Variants in CTNNA2 observed in about 807,000 individuals in gnomAD.
CTNNA2 encodes catenin alpha 2, also known as catenin alpha-2.
CTNNA2 carries 42 observed loss-of-function variants against 101.0 expected under a neutral mutation model. The ratio of observed to expected loss-of-function variants is 0.42; its 90% CI spans 0.32 to 0.54. CTNNA2 has a LOEUF of 0.54. Among genes scored for constraint, CTNNA2 ranks in the 20% least tolerant of loss-of-function variants. The pLI, the probability that CTNNA2 is intolerant of heterozygous loss-of-function variation, is 0.14. For missense variants in CTNNA2, 871 were observed against 1,223.1 expected (o/e 0.71, Z 4.29); for synonymous variants, 450 against 456.4 (o/e 0.99, Z 0.18).
chr2:79,245,189 G>A (rs1429698383), intron 2 of CTNNA2, among the ~76,000 whole-genome samples: 2 of 151,494 alleles, frequency 1.3e-5, no homozygotes, highest in African/African-American at 2.4e-5. Context: ...AGTGGCTCAC[G>A]CCTATAATCT....
chr2:80,077,701 AT>A (rs1698853522), intron 7 of CTNNA2, among the ~76,000 whole-genome samples: 1 of 152,172 alleles, frequency 6.6e-6, no homozygotes, highest in Non-Finnish European at 1.5e-5. Flanking sequence ...TCAAAAGAAT[AT>A]ATACTGTATT....
intron 7 of CTNNA2, among the ~76,000 whole-genome samples, chr2:79,966,891 C>T (rs1454387539): frequency 6.6e-6 from 1 of 151,998 alleles, no homozygotes; most frequent in Non-Finnish European, 1.5e-5. Context: ...TTCCCCTAAC[C>T]ATACCAGGCA....
intron 12 of CTNNA2, among the ~76,000 whole-genome samples, chr2:80,561,521 C>T (rs1419002153): frequency 1.3e-5 from 2 of 152,164 alleles, no homozygotes; most frequent in South Asian, 4.1e-4. Context: ...TGTTCCATTC[C>T]CGCTCTTGGA....
At chr2:80,632,219 G>A (rs546028616) in intron 18 of CTNNA2, among the ~76,000 whole-genome samples, 234 of 151,886 alleles carry the variant, frequency 1.5e-3, no homozygotes, top group Non-Finnish European at 1.5e-3. Context: ...TGGGCAAGAA[G>A]CTACTTATTC....
In CTNNA2 at chr2:80,260,945, G is replaced by C. The variant is rs113008661; in HGVS notation, c.1057-132266G>C. On this transcript the variant is annotated intron_variant, in intron 7 of 18. Coordinates refer to ENST00000402739, the MANE Select transcript of CTNNA2 (RefSeq NM_001282597.3). ...CTGCCAGGCCGAGTGCAAGTGCTGG[G>C]AACCACATGTGGAAGGATAGACCTA... Among the ~76,000 whole-genome samples, 321 of 152,196 alleles carry C rather than the reference G, an allele frequency of 2.1e-3. 4 individuals are homozygous for C. The highest frequency in any genetic ancestry group is 7.4e-3 in the African/African-American group (309 of 41,528).
rs566094267 is a variant in CTNNA2 at position 79,843,577 on chromosome 2, C to T, written c.299-14436C>T. 2.3e-4 allele frequency among the ~76,000 whole-genome samples: 35 copies of T among 152,282 alleles called. No homozygotes were observed. The South Asian group carries it at 7.3e-3, about 32-fold the overall frequency. The stretch of plus-strand genomic sequence containing the variant: ...TGGCTTAGAATTTTGCTTGTTAAAC[C>T]TAGGTTTCTGCTCAGTAATGCTTAA... On this transcript the variant is annotated intron_variant, in intron 3 of 18. Transcript: ENST00000402739.
chr2:79,743,428 A>G (rs780278263), intron 2 of CTNNA2, among the ~76,000 whole-genome samples: 5 of 152,206 alleles, frequency 3.3e-5, no homozygotes, highest in Non-Finnish European at 7.3e-5. Flanking sequence ...GAGTAATAAT[A>G]GATTCAAATC....
At chr2:79,670,300 C>CAAGA (rs916610364) in intron 2 of CTNNA2, among the ~76,000 whole-genome samples, 19 of 152,194 alleles carry the variant, frequency 1.2e-4, no homozygotes, top group Non-Finnish European at 1.9e-4. Flanking sequence ...TCACTCCCTA[C>CAAGA]AAGAGCACAG....
chr2:79,836,837 A>G (rs1679403114), intron 3 of CTNNA2, among the ~76,000 whole-genome samples: 1 of 152,116 alleles, frequency 6.6e-6, no homozygotes, highest in Admixed American at 6.5e-5. Context: ...TGGCATGATC[A>G]TGGCTTACTG....
At chr2:79,287,572 T>G (rs1464924978) in intron 2 of CTNNA2, among the ~76,000 whole-genome samples, 1 of 148,560 alleles carries the variant, frequency 6.7e-6, no homozygotes, top group African/African-American at 2.5e-5. Flanking sequence ...TGCTCAGGGG[T>G]CAGGGACCCA....
chr2:79,697,808 T>G (rs1684738529), intron 2 of CTNNA2: 1 of 152,044 alleles, frequency 6.6e-6, no homozygotes, highest in African/African-American at 2.4e-5. Flanking sequence ...TCACATATTT[T>G]TTTCAGTTGA....
chr2:79,955,704 A>T (rs537047085), intron 7 of CTNNA2, among the ~76,000 whole-genome samples: 1 of 152,264 alleles, frequency 6.6e-6, no homozygotes, highest in South Asian at 2.1e-4. Context: ...TTGTAGAGAC[A>T]GAAGTCTGCC....
At chr2:80,265,165 G>A (rs1672909715) in intron 7 of CTNNA2, among the ~76,000 whole-genome samples, 1 of 151,990 alleles carries the variant, frequency 6.6e-6, no homozygotes, top group African/African-American at 2.4e-5. Flanking sequence ...GGTAGAGACA[G>A]GGTTTCACCA....
intron 15 of CTNNA2, among the ~76,000 whole-genome samples, chr2:80,591,457 GTTTTTTTTTT>G (rs567131551): frequency 1.4e-5 from 1 of 70,314 alleles, no homozygotes; most frequent in African/African-American, 4.6e-5. Context: ...TGCACAGCCT[GTTTTTTTTTT>G]TTTTTTTTTT....
intron 1 of CTNNA2, among the ~76,000 whole-genome samples, chr2:79,619,291 C>A (rs552218533): frequency 2.6e-5 from 4 of 152,264 alleles, no homozygotes; most frequent in Non-Finnish European, 5.9e-5. Context: ...TGGGAAAAGA[C>A]TAAGAAAGAA....
At chr2:80,630,027 T>A (rs1253677305) in intron 18 of CTNNA2, among the ~76,000 whole-genome samples, 1 of 152,086 alleles carries the variant, frequency 6.6e-6, no homozygotes, top group African/African-American at 2.4e-5. Context: ...GAGGTACACT[T>A]CTCTAAAAGT....
intron 6 of CTNNA2, among the ~76,000 whole-genome samples, chr2:79,899,088 A>G (rs1191429864): frequency 1.3e-5 from 2 of 151,832 alleles, no homozygotes; most frequent in African/African-American, 4.8e-5. Context: ...TGTGTTCAAA[A>G]CACACAGAGC....
chr2:79,295,411 G>T (rs916077193), intron 2 of CTNNA2, among the ~76,000 whole-genome samples: 1 of 152,104 alleles, frequency 6.6e-6, no homozygotes, highest in African/African-American at 2.4e-5. Flanking sequence ...GAAGTAAAAG[G>T]CCATGGACAA....
At chr2:80,126,337 C>T (rs1385889803) in intron 7 of CTNNA2, among the ~76,000 whole-genome samples, 1 of 151,862 alleles carries the variant, frequency 6.6e-6, no homozygotes, top group East Asian at 1.9e-4. Flanking sequence ...TGCATGACCC[C>T]CTCCTCTCCC....
Sources: allele counts gnomAD v4.1 joint callset (sites outside exome capture counted in the v4.1 genomes callset), GRCh38; gene constraint gnomAD v4.1.1; transcripts MANE v1.5; gene names NCBI Gene and HGNC (gene_info 2026-07-23, HGNC 2026-07-21).